The following TCAIM variants were observed in gnomAD, a reference collection of about 807,000 sequenced individuals.
The protein encoded by TCAIM is T cell activation inhibitor, mitochondrial.
In TCAIM, 36 loss-of-function variants were observed where a neutral mutation model predicts 58.6. The ratio of observed to expected loss-of-function variants is 0.61; its 90% CI spans 0.47 to 0.81. TCAIM has a LOEUF of 0.81. Ranked by LOEUF, TCAIM falls within the 30% of genes least tolerant of loss-of-function variation. The pLI, the probability that TCAIM is intolerant of heterozygous loss-of-function variation, is 0.00. For synonymous variants in TCAIM, 172 were observed against 193.6 expected (o/e 0.89, Z 0.93); for missense variants, 466 against 579.6 (o/e 0.80, Z 2.01).
At position 44,407,958 on chromosome 3, in the gene TCAIM, C is replaced by T; in HGVS notation, c.*276C>T. 4.1e-6 allele frequency: 1 copy of T among 245,628 alleles called. No homozygotes were observed. Among genetic ancestry groups the T allele is most frequent in the Non-Finnish European group, 7.7e-6 (1 of 129,564 alleles). 15.2% of individuals were successfully genotyped at this position (245,628 alleles called of 1,614,324 possible). On this transcript the variant is annotated 3_prime_UTR_variant, in exon 11 of 11. Transcript: ENST00000342649. ...CCAAGGTTGCAGTGGGCCCAGATTG[C>T]ACCATTGCCCTCCAGCCTGAGCAAC...
chr3:44,367,675 T>A lies in TCAIM; in HGVS notation c.539T>A (p.Leu180His), dbSNP rs200858702. 6.2e-7 allele frequency: 1 copy of A among 1,613,666 alleles called. No individual in the cohort carries two copies. The highest frequency in any genetic ancestry group is 8.5e-7 in the Non-Finnish European group (1 of 1,179,616). Residue 180 changes from leucine to histidine, a missense_variant, in exon 5 of 11, where the codon CTT (leucine) becomes CAT (histidine). Leu to His is a moderately conservative substitution (Grantham distance 99, BLOSUM62 -3). Coordinates refer to ENST00000342649, the MANE Select transcript of TCAIM (RefSeq NM_173826.4). ...GGATTCAAGGACCCTGATGAAGACC[T>A]TGAACAAGTCTCGAGAGTGGAAACA... Reference protein sequence around the residue: ...FTGFKDPDEDLEQVSRVETTL... With the variant: ...FTGFKDPDEDHEQVSRVETTL...
rs769666217 is a variant in TCAIM, at chr3:44,407,433, A to G, written c.1251-9A>G. 4.2e-6 allele frequency: 6 copies of G among 1,438,668 alleles called. No homozygotes were observed. In the East Asian group the frequency reaches 1.4e-4, roughly 33 times the overall value. The allele number at this position is 1,438,668 out of a possible 1,614,324, so 89.1% of individuals were successfully genotyped here. ...TCTTATGACAATATTTTTATTTTCT[A>G]TATAATAGGTTAAAGGTTATTGAAA... On this transcript the variant is annotated splice_polypyrimidine_tract_variant and intron_variant, in intron 10 of 10. Transcript: ENST00000342649.
intron 4 of TCAIM, chr3:44,362,582 T>C: frequency 2.5e-6 from 1 of 394,498 alleles, no homozygotes. Context: ...CACAAATTCC[T>C]TTTCTTGGCA....
rs78929650 is a variant in TCAIM, at chr3:44,382,440, A to T, written c.573-10415A>T. Among the ~76,000 whole-genome samples the T allele has an allele frequency of 2.5e-3, 383 of 152,366 alleles. 4 individuals carry two copies. Among genetic ancestry groups the T allele is most frequent in the African/African-American group, 8.9e-3 (370 of 41,594 alleles). ...AATGGAATAGAATAGAGAATACAGC[A>T]GTAAATACTTGCATATATGGTCAAC... is the stretch of plus-strand genomic sequence containing the variant. On this transcript the variant is annotated intron_variant, in intron 5 of 10. Coordinates refer to ENST00000342649, the MANE Select transcript of TCAIM (RefSeq NM_173826.4).
chr3:44,368,124 G>T (rs1053142330), intron 5 of TCAIM, among the ~76,000 whole-genome samples: 1 of 152,168 alleles, frequency 6.6e-6, no homozygotes, highest in Non-Finnish European at 1.5e-5. Flanking sequence ...ATGTACTTTA[G>T]TGTAATAATC....
chr3:44,365,591 G>GT (rs1301281153), intron 4 of TCAIM, among the ~76,000 whole-genome samples: 1 of 152,156 alleles, frequency 6.6e-6, no homozygotes, highest in Non-Finnish European at 1.5e-5. Context: ...GCCTTCCAAA[G>GT]TGGTGGGATT....
At chr3:44,388,411 C>G (rs577469866) in intron 5 of TCAIM, among the ~76,000 whole-genome samples, 70 of 152,166 alleles carry the variant, frequency 4.6e-4, no homozygotes, top group African/African-American at 1.1e-3. Context: ...GAATGTCTTT[C>G]CATTTGTTTA....
At chr3:44,400,727 C>T (rs534636826) in intron 9 of TCAIM, 140 bp downstream of exon 9, 2 of 709,030 alleles carry the variant, frequency 2.8e-6, no homozygotes, top group Middle Eastern at 3.5e-4. Flanking sequence ...TGTTAGCAAC[C>T]CTCTTCTACA....
intron 8 of TCAIM, among the ~76,000 whole-genome samples, chr3:44,398,035 T>G (rs1297838183): frequency 2.8e-5 from 4 of 144,882 alleles, no homozygotes. Context: ...AAAAAACAAC[T>G]AAAAAGGGCT....
chr3:44,367,811 G>C, intron 5 of TCAIM, 103 bp downstream of exon 5: 2 of 1,190,292 alleles, frequency 1.7e-6, no homozygotes, highest in Admixed American at 6.1e-5. Context: ...AAAAAGTGTA[G>C]TTCACATTTA....
At chr3:44,362,450 C>G in intron 4 of TCAIM, 1 of 400,908 alleles carries the variant, frequency 2.5e-6, no homozygotes, top group Non-Finnish European at 4.4e-6. Context: ...AGAGCTTGAT[C>G]TGAAGAATGC....
chr3:44,406,103 C>T (rs1366649531), intron 10 of TCAIM, among the ~76,000 whole-genome samples: 1 of 152,146 alleles, frequency 6.6e-6, no homozygotes, highest in Non-Finnish European at 1.5e-5. Context: ...AAGATTGTAC[C>T]TCAGAAGAAC....
chr3:44,356,421 C>G (rs982916523), intron 2 of TCAIM, among the ~76,000 whole-genome samples: 7 of 151,804 alleles, frequency 4.6e-5, no homozygotes, highest in African/African-American at 1.5e-4. Context: ...CAGCTACTTG[C>G]AAGGCTGAGG....
intron 1 of TCAIM, among the ~76,000 whole-genome samples, chr3:44,351,561 C>T (rs1443606993): frequency 6.6e-6 from 1 of 151,988 alleles, no homozygotes; most frequent in Non-Finnish European, 1.5e-5. Flanking sequence ...GTGGCGTGAT[C>T]TCGGCTCACT....
At chr3:44,370,582 CATT>C (rs942702023) in intron 5 of TCAIM, among the ~76,000 whole-genome samples, 4 of 151,712 alleles carry the variant, frequency 2.6e-5, no homozygotes, top group African/African-American at 9.7e-5. Context: ...AAAGTAAACC[CATT>C]ATTAAGCAGT....
chr3:44,405,269 T>G (rs1702082333), intron 10 of TCAIM, among the ~76,000 whole-genome samples: 1 of 152,232 alleles, frequency 6.6e-6, no homozygotes, highest in Non-Finnish European at 1.5e-5. Context: ...TTCCTTTTAC[T>G]CTATATCATA....
Position 44,400,392 on chromosome 3 carries a change from G to A in TCAIM, c.923G>A (p.Arg308Lys). 1 of 1,613,730 alleles carries A rather than the reference G, an allele frequency of 6.2e-7. No homozygotes were observed. The highest frequency in any genetic ancestry group is 8.5e-7 in the Non-Finnish European group (1 of 1,179,858). The change falls in exon 9 of 11, where the codon AGG (arginine) becomes AAG (lysine). Residue 308 changes from arginine (R) to lysine (K), a missense_variant. Physicochemically the swap from Arg to Lys is conservative, Grantham distance 26. Coordinates refer to ENST00000342649, the MANE Select transcript of TCAIM (RefSeq NM_173826.4). ...ERLPSYFDLQ[R>K]RLMILEDQIS... ...TTGCCAAGTTATTTTGACCTTCAGAGGAGGCTGATGATTTTAGAAGACCAA... is the reference window on the plus strand; with the variant it reads ...TTGCCAAGTTATTTTGACCTTCAGAAGAGGCTGATGATTTTAGAAGACCAA...
At chr3:44,360,610 T>A (rs538756301) in intron 3 of TCAIM, among the ~76,000 whole-genome samples, 88 of 151,718 alleles carry the variant, frequency 5.8e-4, no homozygotes, top group Middle Eastern at 6.8e-3. Flanking sequence ...TTTTTTTTTT[T>A]AATTTTTTTG....
At chr3:44,368,601 T>C (rs1701417750) in intron 5 of TCAIM, among the ~76,000 whole-genome samples, 1 of 152,246 alleles carries the variant, frequency 6.6e-6, no homozygotes, top group Non-Finnish European at 1.5e-5. Flanking sequence ...TATGCATAAC[T>C]GATGGATAAA....
Sources: gnomAD v4.1 joint callset for allele counts (sites outside exome capture counted in the v4.1 genomes callset) on GRCh38, gnomAD v4.1.1 for gene constraint, MANE v1.5 for transcripts, NCBI Gene and HGNC (gene_info 2026-07-23, HGNC 2026-07-21) for gene names.